Variants in RYR3 observed in about 807,000 individuals in gnomAD.
RYR3 encodes the protein brain ryanodine receptor-calcium release channel.
Under a neutral mutation model 584.3 loss-of-function variants are expected in RYR3, and 207 were observed. That is an observed-to-expected ratio of 0.35 (90% CI 0.32 to 0.40). The LOEUF (loss-of-function observed/expected upper bound fraction) is 0.40. Among genes scored for constraint, RYR3 ranks in the 10% least tolerant of loss-of-function variants. RYR3 has a pLI of 1.00. For synonymous variants in RYR3, 2,416 were observed against 2,248.5 expected (o/e 1.07, Z -2.11); for missense variants, 5,616 against 6,089.2 (o/e 0.92, Z 2.59).
chr15:33,813,062 C>T (rs1401513227), intron 73 of RYR3, 68 bp downstream of exon 73: 3 of 1,586,520 alleles, frequency 1.9e-6, no homozygotes, highest in Non-Finnish European at 2.6e-6. Flanking sequence ...CTCCCCTCCA[C>T]ACTCAGCATT....
Position 33,521,423 on chromosome 15 carries a change from C to T in RYR3, c.280-9169C>T, listed in dbSNP as rs1212144021. Among the ~76,000 whole-genome samples the T allele has an allele frequency of 2.0e-5, 3 of 152,124 alleles. No individual in the cohort carries two copies. In the East Asian group the frequency reaches 5.8e-4, roughly 29 times the overall value. On this transcript the variant is annotated intron_variant, in intron 3 of 103. Coordinates refer to ENST00000634891, the MANE Select transcript of RYR3 (RefSeq NM_001036.6). ...AAAGGAGATTGCGCCACCTTCTCAT[C>T]CAGGAAAAATAATTCTAGGCACTTC...
rs1393293568 is a variant in RYR3, at chr15:33,853,552, C to T, written c.13672-3C>T. 3 of 1,613,404 alleles carry T rather than the reference C, an allele frequency of 1.9e-6. No homozygotes were observed. Among genetic ancestry groups the T allele is most frequent in the Non-Finnish European group, 2.5e-6 (3 of 1,179,530 alleles). On this transcript the variant is annotated splice_polypyrimidine_tract_variant and splice_region_variant and intron_variant, in intron 95 of 103. Coordinates refer to ENST00000634891, the MANE Select transcript of RYR3 (RefSeq NM_001036.6). ...GAGCTCACCCTGTCATCCTTTGCTTCAGGTGATCAACAAGTATGGAGATCT... is the reference window on the plus strand; with the variant it reads ...GAGCTCACCCTGTCATCCTTTGCTTTAGGTGATCAACAAGTATGGAGATCT...
intron 85 of RYR3, among the ~76,000 whole-genome samples, chr15:33,828,812 T>A (rs1189471174): frequency 1.3e-5 from 2 of 152,180 alleles, no homozygotes; most frequent in Non-Finnish European, 2.9e-5. Flanking sequence ...ACCCAGAAGA[T>A]CTATCTAGGA....
intron 64 of RYR3, among the ~76,000 whole-genome samples, chr15:33,776,333 G>A (rs2073990496): frequency 6.6e-6 from 1 of 152,174 alleles, no homozygotes; most frequent in South Asian, 2.1e-4. Context: ...TTCAGAGAAG[G>A]GTAATGGTTT....
chr15:33,444,785 G>C (rs560785835), intron 1 of RYR3, among the ~76,000 whole-genome samples: 5 of 152,106 alleles, frequency 3.3e-5, no homozygotes, highest in Non-Finnish European at 7.4e-5. Context: ...GGCTTGCCAC[G>C]TTCAAGGAGC....
Position 33,838,191 on chromosome 15 carries a change from G to C in RYR3, c.12211G>C (p.Asp4071His). The change falls in exon 89 of 104, where the codon GAT (aspartate) becomes CAT (histidine). Residue 4071 changes from aspartate (D) to histidine (H), a missense_variant. Coordinates refer to ENST00000634891, the MANE Select transcript of RYR3 (RefSeq NM_001036.6). ...GGAATCTAAGCGACAGTTCATTTTT[G>C]ATGTTGTCAATGAAGGTGGGGAGCA... is the stretch of plus-strand genomic sequence containing the variant. ...VKESKRQFIFDVVNEGGEQEK... is the reference protein window; with the variant it reads ...VKESKRQFIFHVVNEGGEQEK... 1 of 1,613,992 alleles carries C rather than the reference G, an allele frequency of 6.2e-7. No individual in the cohort carries two copies. Among genetic ancestry groups the C allele is most frequent in the East Asian group, 2.2e-5 (1 of 44,884 alleles).
chr15:33,503,289 CT>C (rs2052165599), intron 2 of RYR3, among the ~76,000 whole-genome samples: 1 of 152,170 alleles, frequency 6.6e-6, no homozygotes, highest in South Asian at 2.1e-4. Context: ...CAGTGGCTTT[CT>C]TTCTCTGGTC....
chr15:33,451,734 A>C (rs1421753445), intron 1 of RYR3, among the ~76,000 whole-genome samples: 2 of 152,236 alleles, frequency 1.3e-5, no homozygotes, highest in African/African-American at 4.8e-5. Context: ...AAAAAGTTGA[A>C]GCCTGAAAAT....
intron 1 of RYR3, among the ~76,000 whole-genome samples, chr15:33,396,730 C>T (rs2042322458): frequency 6.6e-6 from 1 of 152,162 alleles, no homozygotes; most frequent in African/African-American, 2.4e-5. Context: ...CAGAGGATAC[C>T]TGCCACTCAG....
At chr15:33,783,787 T>G (rs867398919) in intron 65 of RYR3, among the ~76,000 whole-genome samples, 1 of 152,132 alleles carries the variant, frequency 6.6e-6, no homozygotes, top group Admixed American at 6.5e-5. Context: ...TTTGCAAGGG[T>G]CTCTCCAGAC....
At chr15:33,760,604 C>T (rs1206529358) in intron 60 of RYR3, among the ~76,000 whole-genome samples, 1 of 152,208 alleles carries the variant, frequency 6.6e-6, no homozygotes, top group Non-Finnish European at 1.5e-5. Flanking sequence ...ACTCATAAAG[C>T]AAGTCCTTAG....
rs185903333 is a variant in RYR3, at chr15:33,555,940, C to T, written c.972+5624C>T. On this transcript the variant is annotated intron_variant, in intron 10 of 103. Transcript: ENST00000634891. Reference sequence around the variant, plus strand: ...TAGTGTGTGGTTTTTAAGGGCAATACGAAGATCTCAAATTCTAGATGAGAA... The same window carrying T: ...TAGTGTGTGGTTTTTAAGGGCAATATGAAGATCTCAAATTCTAGATGAGAA... Among the ~76,000 whole-genome samples the T allele has an allele frequency of 1.1e-3, 168 of 152,180 alleles. 3 individuals are homozygous for T. The highest frequency in any genetic ancestry group is 3.9e-3 in the African/African-American group (162 of 41,518).
At chr15:33,793,924 C>CTCTA (rs372089329) in intron 67 of RYR3, among the ~76,000 whole-genome samples, 4 of 141,770 alleles carry the variant, frequency 2.8e-5, no homozygotes, top group South Asian at 2.2e-4. Context: ...CACACACACT[C>CTCTA]TATATATATA....
At chr15:33,571,647 G>C (rs905691015) in intron 12 of RYR3, among the ~76,000 whole-genome samples, 7 of 151,986 alleles carry the variant, frequency 4.6e-5, no homozygotes, top group Non-Finnish European at 1.0e-4. Flanking sequence ...TGTTTGTATG[G>C]CATATTGTCT....
chr15:33,496,847 A>G (rs1165086906), intron 2 of RYR3, among the ~76,000 whole-genome samples: 6 of 152,098 alleles, frequency 3.9e-5, no homozygotes, highest in Admixed American at 3.9e-4. Flanking sequence ...AAACCTCTCA[A>G]TTTAGCATTG....
chr15:33,630,843 A>C (rs150618645), intron 22 of RYR3, among the ~76,000 whole-genome samples: 1 of 152,226 alleles, frequency 6.6e-6, no homozygotes, highest in African/African-American at 2.4e-5. Context: ...GCAATTAACA[A>C]ATTTCTCTTC....
chr15:33,395,525 C>A (rs2042245897), intron 1 of RYR3, among the ~76,000 whole-genome samples: 3 of 152,162 alleles, frequency 2.0e-5, no homozygotes, highest in Non-Finnish European at 4.4e-5. Flanking sequence ...GACAGGCAAT[C>A]CAGAGAGACA....
At chr15:33,347,640 G>A (rs983034386) in intron 1 of RYR3, among the ~76,000 whole-genome samples, 6 of 151,938 alleles carry the variant, frequency 3.9e-5, no homozygotes, top group Non-Finnish European at 8.8e-5. Context: ...GTAGAGACGG[G>A]GTTTCACCGT....
At chr15:33,612,323 C>A (rs887306552) in intron 18 of RYR3, among the ~76,000 whole-genome samples, 1 of 152,130 alleles carries the variant, frequency 6.6e-6, no homozygotes, top group African/African-American at 2.4e-5. Context: ...TAATAAAGTT[C>A]TTTAAAACAA....
Sources: gnomAD v4.1 joint callset for allele counts (sites outside exome capture counted in the v4.1 genomes callset) on GRCh38, gnomAD v4.1.1 for gene constraint, MANE v1.5 for transcripts, NCBI Gene and HGNC (gene_info 2026-07-23, HGNC 2026-07-21) for gene names.